TRIM24: variants seen among roughly 807,000 people sequenced by gnomAD.
The protein encoded by TRIM24 is transcription intermediary factor 1-alpha.
In TRIM24, 29 loss-of-function variants were observed where a neutral mutation model predicts 123.9. That is an observed-to-expected ratio of 0.23 (90% CI 0.17 to 0.32). The LOEUF (loss-of-function observed/expected upper bound fraction) is 0.32, where lower values mean the gene tolerates loss of function less well. TRIM24 is among the 10% of genes least tolerant of loss of function. The pLI, the probability that TRIM24 is intolerant of heterozygous loss-of-function variation, is 1.00. For synonymous variants in TRIM24, 456 were observed against 461.1 expected, an observed-to-expected ratio of 0.99 and a Z score of 0.14; for missense variants, 932 against 1,295.3, an observed-to-expected ratio of 0.72 and a Z score of 4.31.
intron 6 of TRIM24, among the ~76,000 whole-genome samples, chr7:138,535,244 T>C (rs1293677464): frequency 6.6e-6 from 1 of 152,208 alleles, no homozygotes; most frequent in Non-Finnish European, 1.5e-5. Context: ...ATGTGTGAAT[T>C]TGATCCTGTC....
chr7:138,467,327 GTGTTTTGTTTTGTTT>G (rs751705080), intron 1 of TRIM24, among the ~76,000 whole-genome samples: 7 of 128,588 alleles, frequency 5.4e-5, no homozygotes, highest in African/African-American at 1.5e-4. Flanking sequence ...AAGGGGGAAT[GTGTTTTGTTTTGTTT>G]TGTTTTGTTT....
intron 1 of TRIM24, among the ~76,000 whole-genome samples, chr7:138,490,234 G>A (rs1401510776): frequency 3.3e-5 from 5 of 152,012 alleles, no homozygotes; most frequent in Non-Finnish European, 7.4e-5. Context: ...CACTGTTTAT[G>A]CTCGTTAGCC....
chr7:138,461,209 T>C lies in TRIM24; in HGVS notation c.364+297T>C, dbSNP rs1008201111. 6.1e-6 allele frequency: 4 copies of C among 655,888 alleles called. No individual in the cohort carries two copies. The African/African-American group carries it at 7.1e-5, about 12-fold the overall frequency. The allele number at this position is 655,888 out of a possible 1,614,324, so 40.6% of individuals were successfully genotyped here. ...TGCCACTCGCACTTTTGCAGACCTC[T>C]GTCGGAGTCTCCTGCAGCCGGAATC... On this transcript the variant is annotated intron_variant, in intron 1 of 18. Transcript: ENST00000343526.
chr7:138,565,681 G>A (rs1478796487), intron 9 of TRIM24, among the ~76,000 whole-genome samples: 4 of 152,192 alleles, frequency 2.6e-5, no homozygotes, highest in East Asian at 1.9e-4. Flanking sequence ...CTGGCCCAAC[G>A]GATTCACATC....
chr7:138,532,712 A>G (rs1796773981), intron 6 of TRIM24, among the ~76,000 whole-genome samples: 1 of 152,206 alleles, frequency 6.6e-6, no homozygotes, highest in Non-Finnish European at 1.5e-5. Context: ...TTTTGGTTCC[A>G]TATGAACTTG....
chr7:138,501,439 C>A (rs1796037092), intron 1 of TRIM24, among the ~76,000 whole-genome samples: 1 of 151,954 alleles, frequency 6.6e-6, no homozygotes, highest in Non-Finnish European at 1.5e-5. Flanking sequence ...CCATATTGAC[C>A]AGGCTGGTCT....
At chr7:138,499,477 G>A (rs1795986095) in intron 1 of TRIM24, among the ~76,000 whole-genome samples, 1 of 152,214 alleles carries the variant, frequency 6.6e-6, no homozygotes, top group African/African-American at 2.4e-5. Context: ...GGTCCCTCAA[G>A]GCTTGGGAAA....
At chr7:138,528,352 T>C (rs1418135609) in intron 5 of TRIM24, among the ~76,000 whole-genome samples, 1 of 151,750 alleles carries the variant, frequency 6.6e-6, no homozygotes, top group African/African-American at 2.4e-5. Context: ...GTTGGGGGAG[T>C]GCTGGGAGAG....
intron 1 of TRIM24, among the ~76,000 whole-genome samples, chr7:138,499,760 C>A (rs1013316810): frequency 6.6e-6 from 1 of 151,852 alleles, no homozygotes; most frequent in Non-Finnish European, 1.5e-5. Context: ...TGGAGCACTG[C>A]CCTGTACATG....
Position 138,585,002 on chromosome 7 carries a change from A to G in TRIM24, c.*51A>G. The G allele has an allele frequency of 6.7e-7, 1 of 1,485,790 alleles. No homozygotes were observed. Among genetic ancestry groups the G allele is most frequent in the South Asian group, 1.3e-5 (1 of 78,554 alleles). The allele number at this position is 1,485,790 out of a possible 1,614,324, so 92.0% of individuals were successfully genotyped here. A position where few individuals can be genotyped will look rare whatever the true frequency, so the allele number is the denominator to read the frequency against. ...GTTTTTAGATTTTTTTGTTTTCAAA[A>G]AAACATTTGTCAGTAATTTAACATC... On this transcript the variant is annotated 3_prime_UTR_variant, in exon 19 of 19. Coordinates refer to ENST00000343526, the MANE Select transcript of TRIM24 (RefSeq NM_015905.3).
intron 13 of TRIM24, 33 bp downstream of exon 13, chr7:138,576,478 A>G: frequency 1.3e-6 from 2 of 1,574,998 alleles, no homozygotes; most frequent in East Asian, 4.5e-5. Flanking sequence ...TCTAGTATAT[A>G]AAAATCTCTA....
chr7:138,562,385 T>G (rs1483273130), intron 9 of TRIM24, among the ~76,000 whole-genome samples: 4 of 152,174 alleles, frequency 2.6e-5, no homozygotes, highest in Admixed American at 1.3e-4. Flanking sequence ...CTTGCTGGAA[T>G]AAGTCCCATC....
At chr7:138,508,699 G>GCGCGCA (rs1563038826) in intron 2 of TRIM24, among the ~76,000 whole-genome samples, 2 of 96,410 alleles carry the variant, frequency 2.1e-5, no homozygotes, top group South Asian at 2.9e-4. Flanking sequence ...GTGTGCGCGC[G>GCGCGCA]CGTGTGTGCG....
intron 1 of TRIM24, among the ~76,000 whole-genome samples, chr7:138,498,051 C>T (rs1201750558): frequency 6.8e-6 from 1 of 147,432 alleles, no homozygotes; most frequent in African/African-American, 2.5e-5. Flanking sequence ...GACAGGGTCT[C>T]ACTCTGTCAC....
intron 4 of TRIM24, among the ~76,000 whole-genome samples, chr7:138,521,172 C>G (rs1796497110): frequency 6.6e-6 from 1 of 152,148 alleles, no homozygotes; most frequent in Admixed American, 6.5e-5. Context: ...GCTAAACTCT[C>G]ATTTAAAGTA....
intron 7 of TRIM24, 149 bp downstream of exon 7, chr7:138,538,952 A>G: frequency 1.5e-6 from 1 of 661,418 alleles, no homozygotes; most frequent in Non-Finnish European, 2.3e-6. Flanking sequence ...TAATATTTTT[A>G]CCTGGCATAA....
chr7:138,475,897 T>A (rs150908940), intron 1 of TRIM24, among the ~76,000 whole-genome samples: 1 of 152,236 alleles, frequency 6.6e-6, no homozygotes, highest in East Asian at 1.9e-4. Context: ...CAGACAAATA[T>A]AATAAAAAGG....
At chr7:138,529,034 G>A in intron 5 of TRIM24, 82 bp from the exon 6 acceptor site, 1 of 700,308 alleles carries the variant, frequency 1.4e-6, no homozygotes, top group Non-Finnish European at 2.3e-6. Flanking sequence ...AAAACATTTT[G>A]GTCTAATTTA....
chr7:138,508,692 TGCGCGC>T lies in TRIM24; in HGVS notation c.483+4288_483+4293del, dbSNP rs60180839. Among the ~76,000 whole-genome samples the T allele has an allele frequency of 2.7e-3, 376 of 137,268 alleles. 19 individuals carry two copies. Among genetic ancestry groups the T allele is most frequent in the Non-Finnish European group, 1.9e-3 (125 of 64,126 alleles). The allele number at this position is 137,268 out of a possible 152,430, so 90.1% of individuals were successfully genotyped here. A position where few individuals can be genotyped will look rare whatever the true frequency, so the allele number is the denominator to read the frequency against. ...GTGTGTGTGTGTGTGTGTGTGTGTG[TGCGCGC>T]GCGTGTGTGCGTGTGTGTGTGCGTG... On this transcript the variant is annotated intron_variant, in intron 2 of 18. Transcript: ENST00000343526.
Sources: gnomAD v4.1 joint callset for allele counts (sites outside exome capture counted in the v4.1 genomes callset) on GRCh38, gnomAD v4.1.1 for gene constraint, MANE v1.5 for transcripts, NCBI Gene and HGNC (gene_info 2026-07-23, HGNC 2026-07-21) for gene names.